Variants in KCNB2 observed in about 807,000 individuals in gnomAD.
The protein encoded by KCNB2 is delayed rectifier potassium channel protein.
KCNB2 carries 15 observed loss-of-function variants against 61.5 expected under a neutral mutation model. That is an observed-to-expected ratio of 0.24 (90% CI 0.16 to 0.38). The LOEUF is 0.38. KCNB2 is among the 10% of genes least tolerant of loss of function. KCNB2 has a pLI of 1.00. For missense variants in KCNB2, 828 were observed against 1,125.2 expected (o/e 0.74, Z 3.78); for synonymous variants, 457 against 446.0 (o/e 1.02, Z -0.31).
At chr8:72,908,343 G>A (rs1300595913) in intron 2 of KCNB2, among the ~76,000 whole-genome samples, 1 of 152,062 alleles carries the variant, frequency 6.6e-6, no homozygotes, top group Non-Finnish European at 1.5e-5. Context: ...ACTGATTTCA[G>A]TTGTAAATCA....
chr8:72,700,387 A>G (rs147806805), intron 2 of KCNB2, among the ~76,000 whole-genome samples: 1 of 152,152 alleles, frequency 6.6e-6, no homozygotes, highest in African/African-American at 2.4e-5. Flanking sequence ...ATTTAATTTA[A>G]AAAGTGAGTA....
intron 2 of KCNB2, among the ~76,000 whole-genome samples, chr8:72,754,894 A>G (rs367672804): frequency 1.4e-4 from 22 of 152,290 alleles, no homozygotes; most frequent in African/African-American, 4.8e-4. Context: ...TAGGTTGTGC[A>G]TAATGACTTC....
chr8:72,776,622 A>G (rs1288699950), intron 2 of KCNB2, among the ~76,000 whole-genome samples: 1 of 152,132 alleles, frequency 6.6e-6, no homozygotes, highest in African/African-American at 2.4e-5. Context: ...AGTCTCCTTT[A>G]CACACATATG....
At chr8:72,787,362 G>T (rs936640146) in intron 2 of KCNB2, among the ~76,000 whole-genome samples, 1 of 151,936 alleles carries the variant, frequency 6.6e-6, no homozygotes, top group Non-Finnish European at 1.5e-5. Context: ...ATGCCACTGT[G>T]CTCCAGCCAG....
intron 2 of KCNB2, among the ~76,000 whole-genome samples, chr8:72,853,520 C>T (rs1810155801): frequency 6.6e-6 from 1 of 152,206 alleles, no homozygotes; most frequent in African/African-American, 2.4e-5. Flanking sequence ...CAGGCTCTGG[C>T]TCTAGGGAAC....
intron 2 of KCNB2, among the ~76,000 whole-genome samples, chr8:72,632,186 C>T (rs1805892304): frequency 6.6e-6 from 1 of 152,012 alleles, no homozygotes; most frequent in South Asian, 2.1e-4. Context: ...GTTGAGGCTG[C>T]AGTGAGCTGT....
At chr8:72,602,612 T>C (rs1348492782) in intron 2 of KCNB2, among the ~76,000 whole-genome samples, 1 of 152,192 alleles carries the variant, frequency 6.6e-6, no homozygotes, top group African/African-American at 2.4e-5. Context: ...AGCCAAAATG[T>C]AGTGGCTTCA....
intron 2 of KCNB2, among the ~76,000 whole-genome samples, chr8:72,899,711 G>A (rs1227440961): frequency 1.3e-5 from 2 of 152,136 alleles, no homozygotes; most frequent in African/African-American, 4.8e-5. Context: ...ACAAAACACT[G>A]CTGAAATAAA....
chr8:72,818,180 C>T (rs1246564837), intron 2 of KCNB2, among the ~76,000 whole-genome samples: 3 of 152,016 alleles, frequency 2.0e-5, no homozygotes, highest in Non-Finnish European at 4.4e-5. Flanking sequence ...ACAACAACAA[C>T]AACAAAATCT....
chr8:72,555,375 T>C (rs2128977673), intron 1 of KCNB2, among the ~76,000 whole-genome samples: 1 of 151,834 alleles, frequency 6.6e-6, no homozygotes, highest in South Asian at 2.1e-4. Context: ...CAGATACAAC[T>C]CTAAGAATAT....
chr8:72,611,743 A>C (rs1474642617), intron 2 of KCNB2, among the ~76,000 whole-genome samples: 1 of 152,104 alleles, frequency 6.6e-6, no homozygotes, highest in Admixed American at 6.6e-5. Flanking sequence ...TTTTTGCCTT[A>C]TATTGGTGAT....
chr8:72,700,788 C>T (rs1807108593), intron 2 of KCNB2, among the ~76,000 whole-genome samples: 1 of 152,122 alleles, frequency 6.6e-6, no homozygotes, highest in Non-Finnish European at 1.5e-5. Flanking sequence ...TGTACTCACA[C>T]ATTCATTGTA....
At chr8:72,729,956 G>C (rs1019911466) in intron 2 of KCNB2, among the ~76,000 whole-genome samples, 5 of 151,988 alleles carry the variant, frequency 3.3e-5, no homozygotes, top group African/African-American at 1.2e-4. Context: ...TCTTAATGGG[G>C]GGCAGAGAAT....
At chr8:72,675,657 G>A (rs1269677578) in intron 2 of KCNB2, among the ~76,000 whole-genome samples, 9 of 151,890 alleles carry the variant, frequency 5.9e-5, no homozygotes, top group Admixed American at 1.3e-4. Context: ...GGTTTCAAGC[G>A]ATTCTTCTGC....
At chr8:72,814,098 C>A (rs535569554) in intron 2 of KCNB2, among the ~76,000 whole-genome samples, 1 of 152,234 alleles carries the variant, frequency 6.6e-6, no homozygotes, top group African/African-American at 2.4e-5. Context: ...TGAGTGAGAA[C>A]AAGAGTGCAT....
chr8:72,807,097 C>A (rs1809237219), intron 2 of KCNB2, among the ~76,000 whole-genome samples: 1 of 152,082 alleles, frequency 6.6e-6, no homozygotes, highest in Admixed American at 6.5e-5. Context: ...TACAAAAACC[C>A]CAAGGAAGGA....
chr8:72,585,753 A>G (rs1806992798), intron 2 of KCNB2, among the ~76,000 whole-genome samples: 1 of 152,240 alleles, frequency 6.6e-6, no homozygotes, highest in South Asian at 2.1e-4. Flanking sequence ...TTATGACAAA[A>G]TATGATTGTT....
intron 2 of KCNB2, among the ~76,000 whole-genome samples, chr8:72,922,683 A>T (rs1023145996): frequency 6.6e-6 from 1 of 152,174 alleles, no homozygotes; most frequent in African/African-American, 2.4e-5. Context: ...CCCACCTCTT[A>T]GTATTATTTC....
chr8:72,573,314 TTC>T (rs548543468), intron 2 of KCNB2, among the ~76,000 whole-genome samples: 6 of 152,228 alleles, frequency 3.9e-5, no homozygotes, highest in Non-Finnish European at 8.8e-5. Context: ...ATAAATGATT[TTC>T]TTTCAGTTCG....
Sources: gnomAD v4.1 joint callset for allele counts (sites outside exome capture counted in the v4.1 genomes callset) on GRCh38, gnomAD v4.1.1 for gene constraint, MANE v1.5 for transcripts, NCBI Gene and HGNC (gene_info 2026-07-23, HGNC 2026-07-21) for gene names.